MAML2: variants seen among roughly 807,000 people sequenced by gnomAD.
MAML2 encodes mastermind-like protein 2.
In MAML2, 22 loss-of-function variants were observed where a neutral mutation model predicts 96.1. The ratio of observed to expected loss-of-function variants is 0.23; its 90% CI spans 0.16 to 0.33. The LOEUF (loss-of-function observed/expected upper bound fraction) is 0.33. Ranked by LOEUF, MAML2 falls within the 10% of genes least tolerant of loss-of-function variation. The pLI is 1.00. For missense variants in MAML2, 1,367 were observed against 1,392.4 expected (o/e 0.98, Z 0.29); for synonymous variants, 561 against 521.3 (o/e 1.08, Z -1.04).
rs761941249 is a variant in MAML2 at position 96,166,079 on chromosome 11, GCTCT to G, written c.514-72566_514-72563del. 1.8e-4 allele frequency among the ~76,000 whole-genome samples: 26 copies of G among 148,138 alleles called. No homozygotes were observed. The East Asian group carries it at 3.4e-3, about 19-fold the overall frequency. ...CTCATTGAATGCCAGCATTTCTCTC[GCTCT>G]CTCTCTCTGTTTCTCTCTCTGCCTG... is the stretch of plus-strand genomic sequence containing the variant. On this transcript the variant is annotated intron_variant, in intron 1 of 4. Transcript: ENST00000524717.
rs200469201 is a variant in MAML2 at position 96,278,113 on chromosome 11, C to T, written c.513+63270G>A. 2.1e-3 allele frequency among the ~76,000 whole-genome samples: 317 copies of T among 152,264 alleles called. 1 individual carries two copies. The highest frequency in any genetic ancestry group is 7.4e-3 in the African/African-American group (308 of 41,544). ...TGTTCTTGGAAGCACACCTTGAGAA[C>T]CACTGCCTGGGGAACAGCTTAGCTG... On this transcript the variant is annotated intron_variant, in intron 1 of 4. Coordinates refer to ENST00000524717, the MANE Select transcript of MAML2 (RefSeq NM_032427.4).
chr11:96,322,423 GC>G (rs959419769), intron 1 of MAML2, among the ~76,000 whole-genome samples: 1 of 152,230 alleles, frequency 6.6e-6, no homozygotes, highest in Non-Finnish European at 1.5e-5. Flanking sequence ...AATGGGCGGG[GC>G]ACAGTGGCTC....
intron 1 of MAML2, among the ~76,000 whole-genome samples, chr11:96,144,101 A>G (rs1184965474): frequency 6.6e-6 from 1 of 152,202 alleles, no homozygotes; most frequent in African/African-American, 2.4e-5. Flanking sequence ...AGTATGACAT[A>G]AAGAAATGAG....
chr11:96,276,915 T>C (rs987700187), intron 1 of MAML2, among the ~76,000 whole-genome samples: 14 of 152,026 alleles, frequency 9.2e-5, no homozygotes, highest in African/African-American at 3.4e-4. Context: ...TGATAAATAT[T>C]GTAAGATTTA....
rs369290849 is a variant in MAML2, at chr11:95,980,049, A to G, written c.2456-86T>C. On this transcript the variant is annotated intron_variant, in intron 4 of 4. Transcript: ENST00000524717. ...ACTTTTCAATAACTCATCAATCTGA[A>G]ACTGCTTTCAGGTGTAAGACAATTT... The G allele has an allele frequency of 1.4e-5, 15 of 1,036,222 alleles. No homozygotes were observed. In the South Asian group the frequency reaches 2.3e-4, roughly 16 times the overall value. 64.2% of individuals were successfully genotyped at this position (1,036,222 alleles called of 1,614,324 possible). A position where few individuals can be genotyped will look rare whatever the true frequency, so the allele number is the denominator to read the frequency against.
intron 2 of MAML2, among the ~76,000 whole-genome samples, chr11:95,992,632 T>G (rs1316009819): frequency 3.3e-5 from 5 of 152,234 alleles, no homozygotes; most frequent in African/African-American, 1.2e-4. Flanking sequence ...GGAGAAATGC[T>G]TACATGTATA....
intron 1 of MAML2, among the ~76,000 whole-genome samples, chr11:96,189,500 T>G (rs1450840407): frequency 6.6e-6 from 1 of 152,218 alleles, no homozygotes. Flanking sequence ...AAAAGTAGTC[T>G]CTTACCACTA....
chr11:96,109,219 G>C (rs543098487), intron 1 of MAML2, among the ~76,000 whole-genome samples: 2 of 152,306 alleles, frequency 1.3e-5, no homozygotes, highest in South Asian at 2.1e-4. Flanking sequence ...GGGCAGGGAT[G>C]AGAGTCAAGC....
chr11:96,124,692 C>T (rs1021838974), intron 1 of MAML2, among the ~76,000 whole-genome samples: 5 of 151,916 alleles, frequency 3.3e-5, no homozygotes, highest in Non-Finnish European at 7.4e-5. Flanking sequence ...CGTGTGTGTG[C>T]GTGTGTGTGA....
At chr11:96,187,037 T>C (rs1333130389) in intron 1 of MAML2, among the ~76,000 whole-genome samples, 1 of 152,222 alleles carries the variant, frequency 6.6e-6, no homozygotes. Context: ...TGTGGTCCAT[T>C]TTTTGAACAT....
Position 96,093,362 on chromosome 11 carries a change from A to G in MAML2, c.669T>C (p.Asn223=), listed in dbSNP as rs769164731. ...TCCCTGACATAATCTGACTTTGTCC[A>G]TTGTTTATTTGGAGGCCACCTTGTC... ...SAGQGGLQIN[N]GQSQIMSGTL... The change falls in exon 2 of 5, where the codon AAT becomes AAC. Residue 223 remains asparagine (N), a synonymous_variant. Transcript: ENST00000524717. 6.2e-7 allele frequency: 1 copy of G among 1,614,010 alleles called. No homozygotes were observed. The highest frequency in any genetic ancestry group is 1.1e-5 in the South Asian group (1 of 91,082).
At chr11:96,089,387 C>T (rs1337051648) in intron 2 of MAML2, among the ~76,000 whole-genome samples, 1 of 152,156 alleles carries the variant, frequency 6.6e-6, no homozygotes. Flanking sequence ...AGAGAAAGCT[C>T]ACACACCACA....
intron 1 of MAML2, among the ~76,000 whole-genome samples, chr11:96,339,349 T>TA (rs1863960053): frequency 6.6e-6 from 1 of 152,324 alleles, no homozygotes; most frequent in Admixed American, 6.5e-5. Flanking sequence ...ACTGTAAAGT[T>TA]ACCACGACCA....
At chr11:95,981,871 C>T (rs1328166187) in intron 4 of MAML2, among the ~76,000 whole-genome samples, 4 of 152,004 alleles carry the variant, frequency 2.6e-5, no homozygotes, top group East Asian at 3.9e-4. Flanking sequence ...CACCTGTAGT[C>T]GCCCTGTATT....
intron 1 of MAML2, among the ~76,000 whole-genome samples, chr11:96,295,923 A>C (rs1253888320): frequency 2.7e-4 from 1 of 3,760 alleles, no homozygotes; most frequent in Non-Finnish European, 1.1e-3. Context: ...AATCCATTTC[A>C]CATCAGAACA....
rs1858983458 is a variant in MAML2, at chr11:96,051,125, G to A, written c.2139+40767C>T. ...TCTGAAAACAAGGAGGTCTTCTGTAGTGCCTTTATCTATAGAAACTTAAAA... is the reference window on the plus strand; with the variant it reads ...TCTGAAAACAAGGAGGTCTTCTGTAATGCCTTTATCTATAGAAACTTAAAA... On this transcript the variant is annotated intron_variant, in intron 2 of 4. Coordinates refer to ENST00000524717, the MANE Select transcript of MAML2 (RefSeq NM_032427.4). Among the ~76,000 whole-genome samples, 4 of 152,254 alleles carry A rather than the reference G, an allele frequency of 2.6e-5. No homozygotes were observed. The South Asian group carries it at 8.3e-4, about 32-fold the overall frequency.
At chr11:96,291,257 C>G (rs1465450182) in intron 1 of MAML2, among the ~76,000 whole-genome samples, 1 of 151,008 alleles carries the variant, frequency 6.6e-6, no homozygotes, top group Non-Finnish European at 1.5e-5. Flanking sequence ...TCCTGAGTAG[C>G]TGGGACTACA....
chr11:96,030,128 C>T (rs907356731), intron 2 of MAML2, among the ~76,000 whole-genome samples: 4 of 151,682 alleles, frequency 2.6e-5, no homozygotes, highest in Non-Finnish European at 4.4e-5. Context: ...TCAGCCTACT[C>T]GGGAGGCTGA....
chr11:96,179,610 T>C (rs992356558), intron 1 of MAML2, among the ~76,000 whole-genome samples: 1 of 152,196 alleles, frequency 6.6e-6, no homozygotes, highest in African/African-American at 2.4e-5. Context: ...GGTTAGATGA[T>C]ATTTCAGACT....
Sources: gnomAD v4.1 joint callset for allele counts (sites outside exome capture counted in the v4.1 genomes callset) on GRCh38, gnomAD v4.1.1 for gene constraint, MANE v1.5 for transcripts, NCBI Gene and HGNC (gene_info 2026-07-23, HGNC 2026-07-21) for gene names.